RALGPS1: variants seen among roughly 807,000 people sequenced by gnomAD.
RALGPS1 encodes the protein Ral GEF with PH domain and SH3 binding motif 1, also known as ras-specific guanine nucleotide-releasing factor RalGPS1.
A neutral mutation model predicts 78.8 loss-of-function variants in RALGPS1; 19 were observed. That is an observed-to-expected ratio of 0.24 (90% CI 0.17 to 0.35). The LOEUF (loss-of-function observed/expected upper bound fraction) is 0.35. Ranked by LOEUF, RALGPS1 falls within the 10% of genes least tolerant of loss-of-function variation. The probability of loss-of-function intolerance (pLI) is 1.00; values close to 1 mark genes in which losing one functional copy is unlikely to be tolerated. For synonymous variants in RALGPS1, 228 were observed against 256.3 expected, an observed-to-expected ratio of 0.89 and a Z score of 1.06; for missense variants, 454 against 688.3, an observed-to-expected ratio of 0.66 and a Z score of 3.81.
intron 1 of RALGPS1, among the ~76,000 whole-genome samples, chr9:126,921,903 T>TGAAAA (rs1167217584): frequency 6.6e-6 from 1 of 152,240 alleles, no homozygotes; most frequent in African/African-American, 2.4e-5. Flanking sequence ...TAGGATGCTT[T>TGAAAA]TCTCAGGGTA....
chr9:127,149,906 CA>C (rs2058323233), intron 8 of RALGPS1, among the ~76,000 whole-genome samples: 1 of 152,222 alleles, frequency 6.6e-6, no homozygotes, highest in South Asian at 2.1e-4. Flanking sequence ...TGGCTCAGGT[CA>C]GCCCATGTGG....
Position 127,211,356 on chromosome 9 carries a change from GGAA to G in RALGPS1, c.1248-773_1248-771del, listed in dbSNP as rs1396534343. Among the ~76,000 whole-genome samples the G allele has an allele frequency of 2.0e-5, 3 of 152,204 alleles. No individual in the cohort carries two copies. Among genetic ancestry groups the G allele is most frequent in the Non-Finnish European group, 2.9e-5 (2 of 68,038 alleles). ...GGAGCGCACTGGGCAGTGGCTCGAAGGAAGGTCCAGTGGCCTGAGGTGTAGTGG... is the reference window on the plus strand; with the variant it reads ...GGAGCGCACTGGGCAGTGGCTCGAAGGGTCCAGTGGCCTGAGGTGTAGTGG... On this transcript the variant is annotated intron_variant, in intron 14 of 18. Coordinates refer to ENST00000259351, the MANE Select transcript of RALGPS1 (RefSeq NM_014636.3). The surrounding 1 kb of genome is among the most constrained non-coding windows in gnomAD (Gnocchi z 5.0).
chr9:126,994,221 A>G (rs748209095), intron 4 of RALGPS1, among the ~76,000 whole-genome samples: 1 of 152,214 alleles, frequency 6.6e-6, no homozygotes, highest in Non-Finnish European at 1.5e-5. Context: ...TCAGATGATC[A>G]AACTACCCCG....
intron 1 of RALGPS1, among the ~76,000 whole-genome samples, chr9:126,943,649 A>G (rs752244729): frequency 3.9e-5 from 6 of 152,064 alleles, no homozygotes; most frequent in Non-Finnish European, 8.8e-5. Context: ...AGCCTTAGAA[A>G]CTGGGTGCAG....
At chr9:126,998,229 A>G (rs990371153) in intron 4 of RALGPS1, among the ~76,000 whole-genome samples, 3 of 152,262 alleles carry the variant, frequency 2.0e-5, no homozygotes, top group Admixed American at 2.0e-4. Context: ...CAGAGTGAAC[A>G]GGCAACCTAC....
intron 1 of RALGPS1, among the ~76,000 whole-genome samples, chr9:126,923,039 C>T (rs1384112464): frequency 6.6e-6 from 1 of 152,166 alleles, no homozygotes; most frequent in Admixed American, 6.5e-5. Context: ...CAGTGCCTAG[C>T]CTAGCATCCG....
At chr9:127,177,987 G>T in intron 11 of RALGPS1, 4 of 1,542,772 alleles carry the variant, frequency 2.6e-6, no homozygotes, top group Non-Finnish European at 3.5e-6. Context: ...TTCACATGAA[G>T]AGACTTTAAT....
intron 5 of RALGPS1, among the ~76,000 whole-genome samples, chr9:127,039,461 T>A (rs1389038790): frequency 6.6e-6 from 1 of 152,128 alleles, no homozygotes; most frequent in African/African-American, 2.4e-5. Context: ...CAACACTGGC[T>A]CCAAGGGGAG....
intron 8 of RALGPS1, among the ~76,000 whole-genome samples, chr9:127,151,582 G>A (rs542810823): frequency 2.0e-5 from 3 of 152,172 alleles, no homozygotes; most frequent in Admixed American, 1.3e-4. Flanking sequence ...AATAAAGAGG[G>A]TCAGGGGTCA....
At chr9:127,195,275 G>A (rs1260890131) in intron 12 of RALGPS1, 58 bp downstream of exon 12, 1 of 1,589,006 alleles carries the variant, frequency 6.3e-7, no homozygotes, top group Non-Finnish European at 8.5e-7. Flanking sequence ...CATGGGCCTG[G>A]GCACAGTGCA....
At chr9:127,138,736 C>T (rs566749639) in intron 8 of RALGPS1, among the ~76,000 whole-genome samples, 7 of 152,238 alleles carry the variant, frequency 4.6e-5, no homozygotes, top group African/African-American at 1.4e-4. Context: ...AGTCTCAGTG[C>T]CCACATCTAG....
chr9:127,131,520 T>A (rs1405507205), intron 8 of RALGPS1, among the ~76,000 whole-genome samples: 1 of 152,218 alleles, frequency 6.6e-6, no homozygotes, highest in East Asian at 1.9e-4. Flanking sequence ...AGAAGTTCTC[T>A]TTGTCCGTCT....
At chr9:127,167,635 A>G (rs1400423628) in intron 9 of RALGPS1, among the ~76,000 whole-genome samples, 1 of 152,202 alleles carries the variant, frequency 6.6e-6, no homozygotes, top group East Asian at 1.9e-4. Context: ...GTTTTGTAAA[A>G]CAGGTATCAT....
chr9:126,964,848 A>G (rs374411250), intron 2 of RALGPS1, among the ~76,000 whole-genome samples: 6 of 152,224 alleles, frequency 3.9e-5, no homozygotes, highest in African/African-American at 1.4e-4. Context: ...TTTTCCAGAT[A>G]TAGCCATTTT....
chr9:126,927,909 G>T (rs936737577), intron 1 of RALGPS1, among the ~76,000 whole-genome samples: 4 of 152,196 alleles, frequency 2.6e-5, no homozygotes, highest in African/African-American at 9.7e-5. Flanking sequence ...CTGTGACTTG[G>T]GGTTGGGGTG....
chr9:127,039,349 A>G (rs1226146265), intron 5 of RALGPS1, among the ~76,000 whole-genome samples: 1 of 152,194 alleles, frequency 6.6e-6, no homozygotes, highest in Non-Finnish European at 1.5e-5. Context: ...CAGGGCTAAA[A>G]AAGAGTCCTT....
intron 1 of RALGPS1, among the ~76,000 whole-genome samples, chr9:126,917,964 T>C (rs2034346586): frequency 1.3e-5 from 2 of 152,180 alleles, no homozygotes; most frequent in Admixed American, 1.3e-4. Flanking sequence ...AATGACCTCT[T>C]GTTTAGTTCT....
chr9:127,176,955 A>G (rs1451785070), intron 11 of RALGPS1, among the ~76,000 whole-genome samples: 1 of 152,106 alleles, frequency 6.6e-6, no homozygotes, highest in African/African-American at 2.4e-5. Context: ...CAAGCCTTAG[A>G]CATTCTCCCC....
intron 4 of RALGPS1, among the ~76,000 whole-genome samples, chr9:127,022,617 G>C (rs1358676738): frequency 1.3e-5 from 2 of 151,814 alleles, no homozygotes; most frequent in African/African-American, 4.8e-5. Flanking sequence ...TCCTCCCCAG[G>C]CTCCTTCTGC....
Sources: gnomAD v4.1 joint callset for allele counts (sites outside exome capture counted in the v4.1 genomes callset) on GRCh38, gnomAD v4.1.1 for gene constraint, Gnocchi (gnomAD v3.1) non-coding constraint, MANE v1.5 for transcripts, NCBI Gene and HGNC (gene_info 2026-07-23, HGNC 2026-07-21) for gene names.